The following HUNK variants were observed in gnomAD, a reference collection of about 807,000 sequenced individuals.
HUNK encodes hormonally up-regulated Neu-associated kinase, also known as hormonally up-regulated neu tumor-associated kinase.
HUNK carries 21 observed loss-of-function variants against 61.0 expected under a neutral mutation model. The ratio of observed to expected loss-of-function variants is 0.34; its 90% CI spans 0.24 to 0.50. The LOEUF (loss-of-function observed/expected upper bound fraction) is 0.50. HUNK is among the 20% of genes least tolerant of loss of function. The pLI is 0.98. For synonymous variants in HUNK, 371 were observed against 386.1 expected, an observed-to-expected ratio of 0.96 and a Z score of 0.46; for missense variants, 772 against 945.7, an observed-to-expected ratio of 0.82 and a Z score of 2.41.
In HUNK at chr21:31,939,651, G is replaced by C. The variant is rs112257158; in HGVS notation, c.555-514G>C. ...TCGAACTCGCGACCTCAGGTGATCT[G>C]CCCACCCTGGCCTCCCAAAGTGCTG... On this transcript the variant is annotated intron_variant, in intron 2 of 10. Coordinates refer to ENST00000270112, the MANE Select transcript of HUNK (RefSeq NM_014586.2). Among the ~76,000 whole-genome samples the C allele has an allele frequency of 1.2e-3, 180 of 151,236 alleles. 2 individuals carry two copies. Among genetic ancestry groups the C allele is most frequent in the African/African-American group, 3.9e-3 (161 of 41,232 alleles).
At chr21:31,904,860 G>C (rs2052494023) in intron 1 of HUNK, among the ~76,000 whole-genome samples, 1 of 152,140 alleles carries the variant, frequency 6.6e-6, no homozygotes, top group African/African-American at 2.4e-5. Context: ...GGGAGGCCAA[G>C]GTGAACGGAT....
intron 4 of HUNK, among the ~76,000 whole-genome samples, chr21:31,947,650 A>G (rs966433939): frequency 1.3e-5 from 2 of 152,164 alleles, no homozygotes; most frequent in South Asian, 4.1e-4. Flanking sequence ...GGGTAAGCAC[A>G]ATAAATATTT....
At chr21:31,983,303 T>C (rs1020616995) in intron 7 of HUNK, among the ~76,000 whole-genome samples, 2 of 152,176 alleles carry the variant, frequency 1.3e-5, no homozygotes, top group African/African-American at 4.8e-5. Context: ...CTGGCAGCGA[T>C]AGTAACACAA....
intron 6 of HUNK, among the ~76,000 whole-genome samples, chr21:31,968,832 G>T (rs1238453618): frequency 8.2e-6 from 1 of 122,684 alleles, no homozygotes; most frequent in Admixed American, 9.4e-5. Flanking sequence ...TGTATGTGTT[G>T]TGTGTAAATT....
chr21:31,926,219 A>G (rs1436708835), intron 2 of HUNK, among the ~76,000 whole-genome samples: 1 of 152,232 alleles, frequency 6.6e-6, no homozygotes, highest in Non-Finnish European at 1.5e-5. Context: ...CGCCCGGCAT[A>G]GAAATCATTT....
At chr21:31,935,832 T>G (rs1173929663) in intron 2 of HUNK, among the ~76,000 whole-genome samples, 1 of 152,204 alleles carries the variant, frequency 6.6e-6, no homozygotes, top group Non-Finnish European at 1.5e-5. Context: ...CTTTTTTATT[T>G]TTTGAGATGG....
chr21:31,923,516 A>AGGG (rs2052636943), intron 1 of HUNK, among the ~76,000 whole-genome samples: 7 of 138,290 alleles, frequency 5.1e-5, no homozygotes, highest in Non-Finnish European at 7.8e-5. Flanking sequence ...GGAGAGAGGG[A>AGGG]AGGAGGGAGG....
At chr21:31,995,503 C>T (rs1471480142) in intron 9 of HUNK, among the ~76,000 whole-genome samples, 2 of 152,198 alleles carry the variant, frequency 1.3e-5, no homozygotes, top group Admixed American at 1.3e-4. Context: ...CCTAGGAATG[C>T]CCTGCCCTTG....
At chr21:31,992,083 G>A (rs2053175590) in intron 9 of HUNK, among the ~76,000 whole-genome samples, 1 of 152,220 alleles carries the variant, frequency 6.6e-6, no homozygotes, top group East Asian at 1.9e-4. Context: ...CCGGACTGCC[G>A]AGCTGTGACC....
chr21:31,895,446 A>T (rs984083456), intron 1 of HUNK, among the ~76,000 whole-genome samples: 2 of 152,194 alleles, frequency 1.3e-5, no homozygotes, highest in Non-Finnish European at 2.9e-5. Flanking sequence ...CAATTTAATA[A>T]CGGGCCTGTG....
rs73354613 is a variant in HUNK at position 31,949,842 on chromosome 21, T to C, written c.746+3671T>C. On this transcript the variant is annotated intron_variant, in intron 4 of 10. Transcript: ENST00000270112. Reference sequence around the variant, plus strand: ...ACCAGTGTGTGCAGAGATCACATGGTGGGAGAGGAAGCAAGAGAGAGGGGA... The same window carrying C: ...ACCAGTGTGTGCAGAGATCACATGGCGGGAGAGGAAGCAAGAGAGAGGGGA... 4.7e-3 allele frequency among the ~76,000 whole-genome samples: 722 copies of C among 152,186 alleles called. 7 individuals carry two copies. Among genetic ancestry groups the C allele is most frequent in the African/African-American group, 0.017 (704 of 41,528 alleles).
intron 1 of HUNK, among the ~76,000 whole-genome samples, chr21:31,920,568 C>G (rs2123813742): frequency 6.6e-6 from 1 of 152,234 alleles, no homozygotes; most frequent in African/African-American, 2.4e-5. Context: ...CTCCACCTCC[C>G]CAAGAGGATG....
intron 4 of HUNK, among the ~76,000 whole-genome samples, chr21:31,957,349 C>T (rs554178723): frequency 1.7e-3 from 264 of 152,314 alleles, no homozygotes; most frequent in South Asian, 9.1e-3. Flanking sequence ...CCCCTAACTC[C>T]ACTGTGAGTT....
chr21:31,919,222 GAGTGGTATGAGGATGAGGGGCTGGAT>G (rs2052606881), intron 1 of HUNK, among the ~76,000 whole-genome samples: 1 of 136,764 alleles, frequency 7.3e-6, no homozygotes, highest in Non-Finnish European at 1.7e-5. Context: ...GGGCTGGAAT[GAGTGGTATGAGGATGAGGGGCTGGAT>G]GGGGTTTCCA....
intron 7 of HUNK, among the ~76,000 whole-genome samples, chr21:31,979,660 CACCT>C (rs1390559099): frequency 1.3e-5 from 2 of 150,818 alleles, no homozygotes; most frequent in Non-Finnish European, 3.0e-5. Flanking sequence ...GGACTACAGG[CACCT>C]GCCACCTCAC....
intron 1 of HUNK, among the ~76,000 whole-genome samples, chr21:31,912,985 A>G (rs1404198693): frequency 6.6e-5 from 10 of 152,208 alleles, no homozygotes; most frequent in African/African-American, 2.4e-4. Flanking sequence ...AGTAGTAGAG[A>G]TGGCCAAGAA....
intron 1 of HUNK, among the ~76,000 whole-genome samples, chr21:31,876,609 T>C (rs1388148939): frequency 6.6e-6 from 1 of 152,162 alleles, no homozygotes; most frequent in Non-Finnish European, 1.5e-5. Context: ...TGAAGTTCTT[T>C]TAAAAGGTGA....
chr21:31,976,917 C>T (rs905184280), intron 7 of HUNK, among the ~76,000 whole-genome samples: 5 of 151,808 alleles, frequency 3.3e-5, no homozygotes, highest in East Asian at 1.9e-4. Context: ...ACTACAGGTA[C>T]GCACCACCAT....
In HUNK at chr21:31,924,708, C is replaced by G; in HGVS notation, c.502C>G (p.Arg168Gly). 6.2e-7 allele frequency: 1 copy of G among 1,613,802 alleles called. No individual in the cohort carries two copies. Among genetic ancestry groups the G allele is most frequent in the Non-Finnish European group, 8.5e-7 (1 of 1,179,968 alleles). ...LEESEARRYI[R>G]QLISAVEHLH... ...GGAGTCCGAAGCCCGCAGATACATC[C>G]GACAGCTCATCTCTGCCGTAGAGCA... The change falls in exon 2 of 11, where the codon CGA becomes GGA. Residue 168 changes from arginine to glycine, a missense_variant. Coordinates refer to ENST00000270112, the MANE Select transcript of HUNK (RefSeq NM_014586.2). The surrounding 1 kb of genome is among the most constrained non-coding windows in gnomAD (Gnocchi z 5.1).
Sources: allele counts gnomAD v4.1 joint callset (sites outside exome capture counted in the v4.1 genomes callset), GRCh38; gene constraint gnomAD v4.1.1; non-coding constraint Gnocchi (gnomAD v3.1); transcripts MANE v1.5; gene names NCBI Gene and HGNC (gene_info 2026-07-23, HGNC 2026-07-21).